FHIT: variants seen among roughly 807,000 people sequenced by gnomAD.
The protein encoded by FHIT is fragile histidine triad diadenosine triphosphatase.
In FHIT, 19 loss-of-function variants were observed where a neutral mutation model predicts 17.9. The ratio of observed to expected loss-of-function variants is 1.06; its 90% CI spans 0.74 to 1.56. The LOEUF (loss-of-function observed/expected upper bound fraction) is 1.56. Among genes scored for constraint, FHIT ranks in the 40% most tolerant of loss-of-function variants. The pLI, the probability that FHIT is intolerant of heterozygous loss-of-function variation, is 0.00. For synonymous variants in FHIT, 81 were observed against 69.7 expected, an observed-to-expected ratio of 1.16 and a Z score of -0.81; for missense variants, 248 against 189.2, an observed-to-expected ratio of 1.31 and a Z score of -1.82.
intron 3 of FHIT, among the ~76,000 whole-genome samples, chr3:60,850,918 C>T (rs1553748094): frequency 2.0e-5 from 3 of 152,034 alleles, no homozygotes; most frequent in African/African-American, 7.3e-5. Context: ...GTGAATGTCC[C>T]CACATACCTA....
At chr3:60,672,488 C>T (rs1172012586) in intron 4 of FHIT, among the ~76,000 whole-genome samples, 3 of 152,136 alleles carry the variant, frequency 2.0e-5, no homozygotes, top group African/African-American at 7.2e-5. Flanking sequence ...TCACTTAAGG[C>T]AAGGACCAGC....
chr3:60,108,988 G>A (rs561350834), intron 5 of FHIT, among the ~76,000 whole-genome samples: 1 of 152,104 alleles, frequency 6.6e-6, no homozygotes, highest in Non-Finnish European at 1.5e-5. Flanking sequence ...TAAGATTTGA[G>A]TTCTCATTGT....
chr3:60,707,962 C>T (rs1393348250), intron 4 of FHIT, among the ~76,000 whole-genome samples: 18 of 152,124 alleles, frequency 1.2e-4, no homozygotes, highest in East Asian at 7.7e-4. Flanking sequence ...TACGTGAATA[C>T]GCTATAGTTT....
chr3:60,578,830 A>G lies in FHIT; in HGVS notation c.-17-41851T>C, dbSNP rs559450001. ...AGTGTATATGTGCCTATATTTATATAGGTACATTTCCCAATTTTATTCTTT... is the reference window on the plus strand; with the variant it reads ...AGTGTATATGTGCCTATATTTATATGGGTACATTTCCCAATTTTATTCTTT... On this transcript the variant is annotated intron_variant, in intron 4 of 9. Coordinates refer to ENST00000492590, the MANE Select transcript of FHIT (RefSeq NM_002012.4). Among the ~76,000 whole-genome samples, 7 of 152,310 alleles carry G rather than the reference A, an allele frequency of 4.6e-5. 1 individual carries two copies. In the South Asian group the frequency reaches 1.2e-3, roughly 27 times the overall value.
chr3:60,145,409 C>G (rs1700199685), intron 5 of FHIT, among the ~76,000 whole-genome samples: 1 of 152,062 alleles, frequency 6.6e-6, no homozygotes, highest in East Asian at 1.9e-4. Context: ...TAGCCAGCAA[C>G]AAATTATTAG....
intron 5 of FHIT, among the ~76,000 whole-genome samples, chr3:60,451,813 G>T (rs778798873): frequency 1.3e-5 from 2 of 152,066 alleles, no homozygotes; most frequent in Non-Finnish European, 2.9e-5. Context: ...GGACCAGAAG[G>T]TTTCTAGCAA....
chr3:60,956,141 T>C (rs1014573954), intron 3 of FHIT, among the ~76,000 whole-genome samples: 3 of 152,162 alleles, frequency 2.0e-5, no homozygotes, highest in African/African-American at 4.8e-5. Flanking sequence ...AATAGAGTAT[T>C]AATGAAAAAT....
chr3:59,904,747 G>A (rs892410216), intron 8 of FHIT, among the ~76,000 whole-genome samples: 3 of 152,316 alleles, frequency 2.0e-5, no homozygotes, highest in East Asian at 3.9e-4. Context: ...ACTGAGTGAC[G>A]AAAACAGTTT....
rs866977060 is a variant in FHIT at position 60,018,772 on chromosome 3, G to C, written c.104-4620C>G. Among the ~76,000 whole-genome samples the C allele has an allele frequency of 5.3e-5, 8 of 152,256 alleles. No individual in the cohort carries two copies. The Middle Eastern group carries it at 0.01, about 194-fold the overall frequency. ...GCGCGCGAATCACCTGAGGTCAGCAGTTCAAGACCAGCCTGGCCAACGTGG... is the reference window on the plus strand; with the variant it reads ...GCGCGCGAATCACCTGAGGTCAGCACTTCAAGACCAGCCTGGCCAACGTGG... On this transcript the variant is annotated intron_variant, in intron 5 of 9. Transcript: ENST00000492590.
At chr3:60,955,618 A>ATATATATATACATG (rs1709104726) in intron 3 of FHIT, among the ~76,000 whole-genome samples, 7 of 14,574 alleles carry the variant, frequency 4.8e-4, no homozygotes, top group Non-Finnish European at 1.5e-3. Context: ...ATATATATAT[A>ATATATATATACATG]TATATATATA....
intron 4 of FHIT, among the ~76,000 whole-genome samples, chr3:60,810,584 T>C (rs1701543242): frequency 6.6e-6 from 1 of 152,206 alleles, no homozygotes; most frequent in South Asian, 2.1e-4. Context: ...TTTCATTAAA[T>C]AAGCTTTACA....
intron 5 of FHIT, among the ~76,000 whole-genome samples, chr3:60,254,860 T>C (rs1196050028): frequency 6.6e-6 from 1 of 152,208 alleles, no homozygotes; most frequent in African/African-American, 2.4e-5. Flanking sequence ...CTAATGGGAA[T>C]ATTTGATGTG....
At chr3:60,488,636 A>G (rs1253929073) in intron 5 of FHIT, among the ~76,000 whole-genome samples, 1 of 152,150 alleles carries the variant, frequency 6.6e-6, no homozygotes, top group African/African-American at 2.4e-5. Context: ...TACAATAGAA[A>G]TATTTCAATC....
chr3:60,501,967 G>A (rs1165010616), intron 5 of FHIT, among the ~76,000 whole-genome samples: 1 of 152,178 alleles, frequency 6.6e-6, no homozygotes, highest in Non-Finnish European at 1.5e-5. Flanking sequence ...CATAAATGAT[G>A]TAAACAAATG....
intron 5 of FHIT, among the ~76,000 whole-genome samples, chr3:60,167,177 T>C (rs887282656): frequency 1.3e-5 from 2 of 152,218 alleles, no homozygotes; most frequent in African/African-American, 4.8e-5. Context: ...TGTGTTATTT[T>C]TGGTACTTGT....
At chr3:60,235,285 C>T (rs569199926) in intron 5 of FHIT, among the ~76,000 whole-genome samples, 1 of 148,912 alleles carries the variant, frequency 6.7e-6, no homozygotes, top group African/African-American at 2.5e-5. Context: ...GGCTCGAGTG[C>T]AATGGCGTGG....
chr3:61,134,179 G>A (rs915462920), intron 2 of FHIT, among the ~76,000 whole-genome samples: 1 of 149,192 alleles, frequency 6.7e-6, no homozygotes, highest in Admixed American at 6.7e-5. Flanking sequence ...TGCTTAGTGG[G>A]GCCCAATATT....
chr3:61,211,620 A>C (rs1318438956), intron 1 of FHIT, among the ~76,000 whole-genome samples: 1 of 152,200 alleles, frequency 6.6e-6, no homozygotes, highest in East Asian at 1.9e-4. Flanking sequence ...TGCAGACTTC[A>C]ATGTCCCTGT....
intron 3 of FHIT, among the ~76,000 whole-genome samples, chr3:60,970,626 T>C (rs542897307): frequency 3.3e-5 from 5 of 152,248 alleles, no homozygotes; most frequent in African/African-American, 9.6e-5. Context: ...CTTTAAGTGG[T>C]TACCCTGGAA....
Sources: allele counts gnomAD v4.1 joint callset (sites outside exome capture counted in the v4.1 genomes callset), GRCh38; gene constraint gnomAD v4.1.1; transcripts MANE v1.5; gene names NCBI Gene and HGNC (gene_info 2026-07-23, HGNC 2026-07-21).